DIP2C: variants seen among roughly 807,000 people sequenced by gnomAD.
DIP2C encodes DIP2 acetate--CoA ligase C (putative), also known as disco-interacting protein 2 homolog C.
A neutral mutation model predicts 192.4 loss-of-function variants in DIP2C; 33 were observed. The ratio of observed to expected loss-of-function variants is 0.17; its 90% confidence interval spans 0.13 to 0.23. DIP2C has a LOEUF of 0.23. DIP2C is among the 10% of genes least tolerant of loss of function. The pLI is 1.00. For missense variants in DIP2C, 1,537 were observed against 2,110.1 expected, an observed-to-expected ratio of 0.73 and a Z score of 5.32; for synonymous variants, 979 against 864.1, an observed-to-expected ratio of 1.13 and a Z score of -2.33.
At chr10:479,764 G>A (rs570388704) in intron 2 of DIP2C, among the ~76,000 whole-genome samples, 9 of 152,308 alleles carry the variant, frequency 5.9e-5, no homozygotes, top group African/African-American at 2.2e-4. Context: ...ACTGGAAATT[G>A]TCAGTGATCC....
chr10:403,810 G>C (rs991727349), intron 9 of DIP2C, among the ~76,000 whole-genome samples: 1 of 142,124 alleles, frequency 7.0e-6, no homozygotes, highest in Non-Finnish European at 1.5e-5. Flanking sequence ...TTATGGACAA[G>C]TTTGGTACGT....
In DIP2C at chr10:288,277, T is replaced by TA. The variant is rs1004655122; in HGVS notation, c.4044+86dup. On this transcript the variant is annotated intron_variant, in intron 33 of 36. Transcript: ENST00000280886. The stretch of plus-strand genomic sequence containing the variant: ...AGAAATTGTTTTGGAAAAAACATTC[T>TA]AAAAAATACATTTCCTAAAATTTCA... 17 of 1,312,468 alleles carry TA rather than the reference T, an allele frequency of 1.3e-5. No individual in the cohort carries two copies. The African/African-American group carries it at 2.5e-4, about 20-fold the overall frequency. The allele number at this position is 1,312,468 out of a possible 1,614,324, so 81.3% of individuals were successfully genotyped here.
chr10:462,133 A>G (rs368760709), intron 3 of DIP2C, among the ~76,000 whole-genome samples: 5 of 152,148 alleles, frequency 3.3e-5, no homozygotes, highest in African/African-American at 1.2e-4. Context: ...GAGAAGAAAG[A>G]GCAAACAAAT....
chr10:611,795 G>C (rs1322320540), intron 1 of DIP2C, among the ~76,000 whole-genome samples: 5 of 152,134 alleles, frequency 3.3e-5, no homozygotes, highest in Admixed American at 3.3e-4. Context: ...AACACCAGCT[G>C]AATTCGTACT....
At chr10:414,835 T>C (rs907007674) in intron 7 of DIP2C, among the ~76,000 whole-genome samples, 8 of 138,426 alleles carry the variant, frequency 5.8e-5, no homozygotes, top group South Asian at 2.4e-4. Flanking sequence ...AATATATATA[T>C]ACACACACAT....
intron 29 of DIP2C, among the ~76,000 whole-genome samples, chr10:337,971 T>C (rs987294933): frequency 2.7e-5 from 4 of 150,550 alleles, no homozygotes; most frequent in African/African-American, 4.9e-5. Context: ...TGTGTGTGCG[T>C]GTGTGTGTGT....
intron 3 of DIP2C, among the ~76,000 whole-genome samples, chr10:450,260 C>T (rs1335732416): frequency 7.3e-5 from 11 of 151,704 alleles, no homozygotes; most frequent in African/African-American, 2.4e-4. Context: ...ACAATGGTCC[C>T]GTGTTGCATT....
chr10:367,311 G>A (rs1041998981), intron 18 of DIP2C, among the ~76,000 whole-genome samples: 3 of 151,940 alleles, frequency 2.0e-5, no homozygotes, highest in Non-Finnish European at 2.9e-5. Flanking sequence ...CAGCTCCTCG[G>A]GAGGCGGAGG....
In DIP2C at chr10:394,195, A is replaced by G. The variant is rs1963745567; in HGVS notation, c.1261-3332T>C. ...AAAGACCCACGAATGGATGCAGAGC[A>G]GGCAGAGCCGGCACACTGGGCGCTA... is the stretch of plus-strand genomic sequence containing the variant. On this transcript the variant is annotated intron_variant, in intron 10 of 36. Coordinates refer to ENST00000280886, the MANE Select transcript of DIP2C (RefSeq NM_014974.3). Among the ~76,000 whole-genome samples, 6 of 152,270 alleles carry G rather than the reference A, an allele frequency of 3.9e-5. No homozygotes were observed. The South Asian group carries it at 1.2e-3, about 31-fold the overall frequency.
In DIP2C at chr10:275,196, C is replaced by T. The variant is rs1236951066; in HGVS notation, c.*2129G>A. 3.3e-5 allele frequency: 5 copies of T among 152,248 alleles called. No homozygotes were observed. The highest frequency in any genetic ancestry group is 1.2e-4 in the African/African-American group (5 of 41,460). 9.4% of individuals were successfully genotyped at this position (152,248 alleles called of 1,614,324 possible). On this transcript the variant is annotated 3_prime_UTR_variant, in exon 37 of 37. Coordinates refer to ENST00000280886, the MANE Select transcript of DIP2C (RefSeq NM_014974.3). Reference sequence around the variant, plus strand: ...TCAGCTGGACCTCAAAGCTGTCCTGCACACTGCAGCTAATGTTTCATAGTC... The same window carrying T: ...TCAGCTGGACCTCAAAGCTGTCCTGTACACTGCAGCTAATGTTTCATAGTC...
intron 1 of DIP2C, among the ~76,000 whole-genome samples, chr10:568,788 A>AAACAAAC (rs1564208315): frequency 1.4e-5 from 2 of 142,532 alleles, no homozygotes; most frequent in Non-Finnish European, 3.0e-5. Context: ...AAAAAAAAAA[A>AAACAAAC]AAAAAAAAAA....
chr10:458,780 C>A (rs1294943343), intron 3 of DIP2C, among the ~76,000 whole-genome samples: 1 of 151,984 alleles, frequency 6.6e-6, no homozygotes, highest in Non-Finnish European at 1.5e-5. Context: ...TGCTCGGCAC[C>A]CCGTGACGGC....
At chr10:644,037 A>T (rs996203295) in intron 1 of DIP2C, among the ~76,000 whole-genome samples, 4 of 152,242 alleles carry the variant, frequency 2.6e-5, no homozygotes, top group African/African-American at 9.6e-5. Context: ...CTCAGACACA[A>T]GGTGGCTTAG....
rs762742224 is a variant in DIP2C, at chr10:484,925, G to A, written c.157+1534C>T. On this transcript the variant is annotated intron_variant, in intron 2 of 36. Coordinates refer to ENST00000280886, the MANE Select transcript of DIP2C (RefSeq NM_014974.3). ...CCTTCACTGTGCTGCAGTCTACACC[G>A]AACCACGGCAGCTCCATTCGCTGCT... The A allele has an allele frequency of 1.2e-5, 20 of 1,610,496 alleles. No homozygotes were observed. The African/African-American group carries it at 1.9e-4, about 15-fold the overall frequency.
At chr10:411,101 A>T (rs527954692) in intron 8 of DIP2C, among the ~76,000 whole-genome samples, 1 of 152,234 alleles carries the variant, frequency 6.6e-6, no homozygotes, top group Non-Finnish European at 1.5e-5. Context: ...AACCACGCAA[A>T]AAAGCAGCAA....
intron 4 of DIP2C, among the ~76,000 whole-genome samples, chr10:423,831 C>A (rs1338099354): frequency 6.6e-6 from 1 of 152,206 alleles, no homozygotes; most frequent in Non-Finnish European, 1.5e-5. Flanking sequence ...CTCCACCTCC[C>A]CGTTTTCCTC....
At chr10:684,147 G>A (rs1831231201) in intron 1 of DIP2C, among the ~76,000 whole-genome samples, 1 of 152,190 alleles carries the variant, frequency 6.6e-6, no homozygotes, top group Non-Finnish European at 1.5e-5. Context: ...TCAAACTATT[G>A]TCATAACTCT....
intron 1 of DIP2C, among the ~76,000 whole-genome samples, chr10:586,239 G>T (rs1851011952): frequency 2.0e-5 from 3 of 152,208 alleles, no homozygotes; most frequent in African/African-American, 7.2e-5. Context: ...AGGCCCTGCA[G>T]ATGCTGAGAA....
chr10:458,217 C>G (rs918433439), intron 3 of DIP2C, among the ~76,000 whole-genome samples: 1 of 152,162 alleles, frequency 6.6e-6, no homozygotes, highest in Non-Finnish European at 1.5e-5. Flanking sequence ...CGCCTTCTCT[C>G]CTAGCATCAT....
Sources: allele counts gnomAD v4.1 joint callset (sites outside exome capture counted in the v4.1 genomes callset), GRCh38; gene constraint gnomAD v4.1.1; transcripts MANE v1.5; gene names NCBI Gene and HGNC (gene_info 2026-07-23, HGNC 2026-07-21).